Variants in WWOX observed in about 807,000 individuals in gnomAD.
WWOX encodes the protein WW domain containing oxidoreductase, also known as WW domain-containing oxidoreductase.
Under a neutral mutation model 46.2 loss-of-function variants are expected in WWOX, and 69 were observed. The observed-to-expected ratio is 1.49, with a 90% CI of 1.23 to 1.82. The LOEUF is 1.82. Among genes scored for constraint, WWOX ranks in the 40% most tolerant of loss-of-function variants. The pLI is 0.00. For synonymous variants in WWOX, 359 were observed against 202.6 expected (o/e 1.77, Z -6.56); for missense variants, 919 against 542.6 (o/e 1.69, Z -6.89).
At chr16:78,237,288 G>C (rs543170287) in intron 5 of WWOX, 4 of 152,288 alleles carry the variant, frequency 2.6e-5, no homozygotes, top group Admixed American at 2.0e-4. Context: ...CAATTTAAGA[G>C]GGGGTAAAAA....
chr16:78,774,074 G>A (rs536878681), intron 8 of WWOX, among the ~76,000 whole-genome samples: 1 of 152,242 alleles, frequency 6.6e-6, no homozygotes, highest in East Asian at 1.9e-4. Flanking sequence ...GCCCGTCTAG[G>A]TCCTTCTGAA....
chr16:78,867,445 AC>A (rs2046147241), intron 8 of WWOX, among the ~76,000 whole-genome samples: 1 of 151,912 alleles, frequency 6.6e-6, no homozygotes, highest in East Asian at 1.9e-4. Context: ...TTTCCAATTG[AC>A]AGATGGGGAA....
chr16:78,195,221 A>G (rs892688390), intron 5 of WWOX, among the ~76,000 whole-genome samples: 1 of 152,118 alleles, frequency 6.6e-6, no homozygotes, highest in African/African-American at 2.4e-5. Flanking sequence ...CTTGAGCACT[A>G]TGACCTGTGT....
intron 8 of WWOX, among the ~76,000 whole-genome samples, chr16:78,485,122 G>T (rs950423680): frequency 6.6e-6 from 1 of 151,150 alleles, no homozygotes; most frequent in Non-Finnish European, 1.5e-5. Context: ...TGACTACAGG[G>T]TTTAGGTTTA....
intron 8 of WWOX, among the ~76,000 whole-genome samples, chr16:78,834,014 A>G (rs1395367582): frequency 2.5e-5 from 1 of 39,240 alleles, no homozygotes; most frequent in Non-Finnish European, 6.2e-5. Context: ...TTTCAGCTGA[A>G]TGAGTGAATG....
At chr16:78,367,982 C>T (rs2081579258) in intron 5 of WWOX, among the ~76,000 whole-genome samples, 1 of 152,054 alleles carries the variant, frequency 6.6e-6, no homozygotes, top group Non-Finnish European at 1.5e-5. Flanking sequence ...GTGTCAAACT[C>T]CTGATCTTAG....
chr16:78,581,986 G>A (rs979665758), intron 8 of WWOX, among the ~76,000 whole-genome samples: 2 of 152,102 alleles, frequency 1.3e-5, no homozygotes, highest in African/African-American at 4.8e-5. Flanking sequence ...GTATAACTTG[G>A]GGCATCAAAA....
At chr16:78,952,100 C>T (rs74032449) in intron 8 of WWOX, among the ~76,000 whole-genome samples, 2 of 152,070 alleles carry the variant, frequency 1.3e-5, no homozygotes, top group Non-Finnish European at 2.9e-5. Flanking sequence ...ACCTAGCCCC[C>T]GTGTACCTTC....
intron 6 of WWOX, among the ~76,000 whole-genome samples, chr16:78,413,121 A>G (rs1202811463): frequency 6.6e-6 from 1 of 152,170 alleles, no homozygotes; most frequent in Non-Finnish European, 1.5e-5. Flanking sequence ...GGTACTGCAA[A>G]TAGAGAAAGA....
intron 5 of WWOX, among the ~76,000 whole-genome samples, chr16:78,353,375 A>C (rs2081221121): frequency 6.6e-6 from 1 of 152,214 alleles, no homozygotes; most frequent in African/African-American, 2.4e-5. Flanking sequence ...GCTGGGCTGA[A>C]GAGTTACCTG....
At chr16:78,301,644 G>A (rs2080043026) in intron 5 of WWOX, among the ~76,000 whole-genome samples, 1 of 152,122 alleles carries the variant, frequency 6.6e-6, no homozygotes, top group Non-Finnish European at 1.5e-5. Flanking sequence ...GAAGATTCAA[G>A]TCTCAGGTTA....
At chr16:78,312,803 C>G (rs1291355842) in intron 5 of WWOX, among the ~76,000 whole-genome samples, 2 of 152,206 alleles carry the variant, frequency 1.3e-5, no homozygotes, top group Non-Finnish European at 2.9e-5. Flanking sequence ...TAGGTCCAGT[C>G]TTGTGACTGA....
chr16:78,762,998 T>G (rs13338295), intron 8 of WWOX, among the ~76,000 whole-genome samples: 7 of 152,130 alleles, frequency 4.6e-5, no homozygotes, highest in African/African-American at 1.7e-4. Context: ...AGATGAGCAA[T>G]AGATCTCCAT....
intron 8 of WWOX, among the ~76,000 whole-genome samples, chr16:78,889,834 G>T (rs2044549361): frequency 6.6e-6 from 1 of 152,132 alleles, no homozygotes; most frequent in South Asian, 2.1e-4. Flanking sequence ...TTCAGAACAA[G>T]GGTTACGTTT....
intron 8 of WWOX, among the ~76,000 whole-genome samples, chr16:78,568,925 A>G (rs1421222562): frequency 6.6e-6 from 1 of 152,152 alleles, no homozygotes; most frequent in African/African-American, 2.4e-5. Context: ...TCATCCTTAT[A>G]CTTGAGGTCT....
intron 8 of WWOX, among the ~76,000 whole-genome samples, chr16:79,193,038 G>A (rs527331584): frequency 2.0e-5 from 3 of 152,306 alleles, no homozygotes; most frequent in African/African-American, 7.2e-5. Flanking sequence ...CCATGGCTGT[G>A]AACTGCCAAA....
intron 8 of WWOX, among the ~76,000 whole-genome samples, chr16:78,714,705 G>C (rs1405442599): frequency 6.6e-6 from 1 of 152,156 alleles, no homozygotes; most frequent in Admixed American, 6.5e-5. Flanking sequence ...TTGAGACACT[G>C]AAGTCCAATG....
chr16:78,594,551 G>A (rs1454273931), intron 8 of WWOX, among the ~76,000 whole-genome samples: 1 of 149,638 alleles, frequency 6.7e-6, no homozygotes, highest in Non-Finnish European at 1.5e-5. Flanking sequence ...CAATCACCTG[G>A]CTCAAACTCA....
chr16:78,947,384 A>G (rs1007072489), intron 8 of WWOX, among the ~76,000 whole-genome samples: 1 of 151,674 alleles, frequency 6.6e-6, no homozygotes, highest in African/African-American at 2.4e-5. Flanking sequence ...TCCCCCCCTT[A>G]GCTGTATCCC....
Sources: allele counts gnomAD v4.1 joint callset (sites outside exome capture counted in the v4.1 genomes callset), GRCh38; gene constraint gnomAD v4.1.1; transcripts MANE v1.5; gene names NCBI Gene and HGNC (gene_info 2026-07-23, HGNC 2026-07-21).